SGCZ: variants seen among roughly 807,000 people sequenced by gnomAD.
SGCZ encodes the protein zeta-sarcoglycan.
SGCZ carries 40 observed loss-of-function variants against 41.3 expected under a neutral mutation model. The ratio of observed to expected loss-of-function variants is 0.97; its 90% CI spans 0.75 to 1.26. The LOEUF (loss-of-function observed/expected upper bound fraction) is 1.26. Among genes scored for constraint, SGCZ ranks in the 50% most tolerant of loss-of-function variants. The pLI is 0.00. For synonymous variants in SGCZ, 206 were observed against 137.5 expected, an observed-to-expected ratio of 1.50 and a Z score of -3.49; for missense variants, 552 against 369.8, an observed-to-expected ratio of 1.49 and a Z score of -4.04.
chr8:14,360,332 ATTT>A (rs535714128), intron 2 of SGCZ, among the ~76,000 whole-genome samples: 15 of 146,850 alleles, frequency 1.0e-4, no homozygotes, highest in African/African-American at 2.7e-4. Flanking sequence ...AAAATTTGTA[ATTT>A]TTTTTTTTTT....
intron 7 of SGCZ, among the ~76,000 whole-genome samples, chr8:14,096,618 T>C (rs1224260366): frequency 6.6e-6 from 1 of 152,194 alleles, no homozygotes; most frequent in Non-Finnish European, 1.5e-5. Context: ...GCTGGACTCA[T>C]AAAGTGAGTT....
chr8:15,119,038 C>T (rs1215568813), intron 1 of SGCZ, among the ~76,000 whole-genome samples: 2 of 152,112 alleles, frequency 1.3e-5, no homozygotes, highest in Non-Finnish European at 2.9e-5. Context: ...TGGGAAATTA[C>T]ACTATGCAAT....
At chr8:14,986,548 C>T (rs1351613108) in intron 1 of SGCZ, among the ~76,000 whole-genome samples, 1 of 151,970 alleles carries the variant, frequency 6.6e-6, no homozygotes, top group African/African-American at 2.4e-5. Flanking sequence ...ATTATAATTT[C>T]CTTTCGAACA....
intron 1 of SGCZ, among the ~76,000 whole-genome samples, chr8:14,969,723 C>A (rs989377910): frequency 6.6e-6 from 1 of 151,988 alleles, no homozygotes; most frequent in Non-Finnish European, 1.5e-5. Context: ...TAATTGTTCA[C>A]TCTTTTCTAT....
At chr8:15,005,883 T>C (rs1224919572) in intron 1 of SGCZ, among the ~76,000 whole-genome samples, 1 of 152,354 alleles carries the variant, frequency 6.6e-6, no homozygotes, top group South Asian at 2.1e-4. Context: ...TTAGGAATAA[T>C]TGCTGTGCTA....
At chr8:14,903,731 G>T (rs1016179866) in intron 1 of SGCZ, among the ~76,000 whole-genome samples, 1 of 151,840 alleles carries the variant, frequency 6.6e-6, no homozygotes, top group East Asian at 1.9e-4. Context: ...CAGTGTATAG[G>T]GACAGTCAGA....
intron 2 of SGCZ, among the ~76,000 whole-genome samples, chr8:14,532,752 A>G (rs181855616): frequency 2.7e-4 from 41 of 151,316 alleles, no homozygotes; most frequent in African/African-American, 9.5e-4. Context: ...CCATAATACA[A>G]TAAGTGAAAA....
rs1040998916 is a variant in SGCZ at position 15,169,222 on chromosome 8, C to G, written c.39+68363G>C. Among the ~76,000 whole-genome samples, 7 of 152,268 alleles carry G rather than the reference C, an allele frequency of 4.6e-5. 1 individual carries two copies. The highest frequency in any genetic ancestry group is 3.9e-4 in the Admixed American group (6 of 15,298). ...TTAAGATTGGTCTTCGCCCTTATCC[C>G]TAATCTAAGGGCAGTTAGATGTACT... On this transcript the variant is annotated intron_variant, in intron 1 of 7. Transcript: ENST00000382080.
intron 5 of SGCZ, among the ~76,000 whole-genome samples, chr8:14,151,886 G>C (rs1017915999): frequency 6.6e-6 from 1 of 151,370 alleles, no homozygotes; most frequent in Non-Finnish European, 1.5e-5. Flanking sequence ...ATACACAACA[G>C]AAAAAAGCAA....
rs1194840695 is a variant in SGCZ, at chr8:14,632,167, C to T, written c.40-77241G>A. ...CTGAATAGCTGGGACTACAGGCATG[C>T]GCCACCATGCCTGGCTAATTTTTAA... On this transcript the variant is annotated intron_variant, in intron 1 of 7. Transcript: ENST00000382080. 5.9e-5 allele frequency among the ~76,000 whole-genome samples: 9 copies of T among 151,846 alleles called. No homozygotes were observed. In the East Asian group the frequency reaches 7.8e-4, roughly 13 times the overall value.
chr8:14,121,256 AATAT>A (rs1408520428), intron 5 of SGCZ, among the ~76,000 whole-genome samples: 1 of 151,840 alleles, frequency 6.6e-6, no homozygotes, highest in African/African-American at 2.4e-5. Flanking sequence ...TTCAGTATTG[AATAT>A]ATAATATTAA....
intron 2 of SGCZ, among the ~76,000 whole-genome samples, chr8:14,547,937 A>T (rs1023544640): frequency 6.6e-6 from 1 of 152,068 alleles, no homozygotes; most frequent in African/African-American, 2.4e-5. Flanking sequence ...TGTGTCTAGG[A>T]TTGTTTTATG....
intron 1 of SGCZ, among the ~76,000 whole-genome samples, chr8:14,798,752 T>A (rs1801219378): frequency 6.6e-6 from 1 of 152,220 alleles, no homozygotes; most frequent in South Asian, 2.1e-4. Context: ...ATTATGTAAT[T>A]TAAGACAGCA....
intron 1 of SGCZ, among the ~76,000 whole-genome samples, chr8:15,118,092 T>A (rs918707178): frequency 6.6e-6 from 1 of 152,212 alleles, no homozygotes; most frequent in African/African-American, 2.4e-5. Context: ...CTTTGATATT[T>A]AGTTGCGGTA....
intron 1 of SGCZ, among the ~76,000 whole-genome samples, chr8:15,097,754 GTA>G (rs5889562): frequency 0.75 from 98,174 of 130,752 alleles, 37,313 homozygotes; most frequent in Admixed American, 0.81. Flanking sequence ...ATATATACAC[GTA>G]TATATGTGTT....
At chr8:14,656,999 T>C (rs1030599328) in intron 1 of SGCZ, among the ~76,000 whole-genome samples, 3 of 151,964 alleles carry the variant, frequency 2.0e-5, no homozygotes, top group African/African-American at 7.3e-5. Context: ...ATATAAAATT[T>C]GTTTTAAATG....
intron 2 of SGCZ, among the ~76,000 whole-genome samples, chr8:14,464,249 C>T (rs895729138): frequency 6.6e-6 from 1 of 150,798 alleles, no homozygotes; most frequent in Non-Finnish European, 1.5e-5. Flanking sequence ...AAATCTGGGG[C>T]TTTTCTTTGT....
At chr8:14,837,864 A>T (rs1802754950) in intron 1 of SGCZ, among the ~76,000 whole-genome samples, 1 of 152,182 alleles carries the variant, frequency 6.6e-6, no homozygotes, top group African/African-American at 2.4e-5. Flanking sequence ...TATAATAATC[A>T]AATCATAATA....
At chr8:14,723,348 T>C (rs545202940) in intron 1 of SGCZ, among the ~76,000 whole-genome samples, 287 of 152,240 alleles carry the variant, frequency 1.9e-3, no homozygotes, top group Middle Eastern at 3.4e-3. Flanking sequence ...GGGGAAGAGG[T>C]GAGTGGGACT....
Sources: allele counts gnomAD v4.1 joint callset (sites outside exome capture counted in the v4.1 genomes callset), GRCh38; gene constraint gnomAD v4.1.1; transcripts MANE v1.5; gene names NCBI Gene and HGNC (gene_info 2026-07-23, HGNC 2026-07-21).